The following RAPGEF3 variants were observed in gnomAD, a reference collection of about 807,000 sequenced individuals.
RAPGEF3 encodes 9330170P05Rik.
A neutral mutation model predicts 129.8 loss-of-function variants in RAPGEF3; 103 were observed. The observed-to-expected ratio is 0.79, with a 90% CI of 0.68 to 0.93. The LOEUF (loss-of-function observed/expected upper bound fraction) is 0.93. RAPGEF3 is among the 40% of genes least tolerant of loss of function. The pLI is 0.00. For missense variants in RAPGEF3, 1,117 were observed against 1,207.4 expected, an observed-to-expected ratio of 0.93 and a Z score of 1.11; for synonymous variants, 436 against 482.6, an observed-to-expected ratio of 0.90 and a Z score of 1.26.
chr12:47,756,659 A>G (rs1468050906), intron 2 of RAPGEF3, among the ~76,000 whole-genome samples: 1 of 152,190 alleles, frequency 6.6e-6, no homozygotes, highest in East Asian at 1.9e-4. Flanking sequence ...ATTCCACTCA[A>G]AAGGACTTGC....
In RAPGEF3 at chr12:47,749,936, T is replaced by A. The variant is rs543303042; in HGVS notation, c.811A>T (p.Thr271Ser). 5.5e-5 allele frequency: 88 copies of A among 1,614,234 alleles called. No individual in the cohort carries two copies. In the East Asian group the frequency reaches 9.8e-4, roughly 18 times the overall value. ...TATGCCCTGCTGGACTTACACACGGTCCCTGCCTTGCTGTGTGGTTCAAAG... is the reference window on the plus strand; with the variant it reads ...TATGCCCTGCTGGACTTACACACGGACCCTGCCTTGCTGTGTGGTTCAAAG... The part of the protein sequence containing the change: ...LLFEPHSKAG[T>S]VLFSQGDKGT... Residue 271 changes from threonine to serine, a missense_variant, in exon 8 of 28, where the codon ACC becomes TCC. Physicochemically the swap from Thr to Ser is moderately conservative, Grantham distance 58. Around this residue, in one of 3 missense-constraint regions of RAPGEF3, gnomAD observed 367 missense variants for 373.4 expected, o/e 0.98. Coordinates refer to ENST00000449771, the MANE Select transcript of RAPGEF3 (RefSeq NM_001098531.4). This position sits in a 1 kb window ranked among gnomAD's most constrained non-coding sequence, Gnocchi z 4.5.
chr12:47,740,784 G>A lies in RAPGEF3; in HGVS notation c.2089C>T (p.Arg697Trp), dbSNP rs144726123. ...TCCAGGTTGGCGGTGGTGACATCCC[G>A]CAGATGCTGGGGGCCCAGCACATAG... ...IHYVLGPQHL[R>W]DVTTANLERF... is the part of the protein sequence containing the mutation. The change falls in exon 21 of 28, where the codon CGG becomes TGG. Residue 697 changes from arginine (R) to tryptophan (W), a missense_variant. Physicochemically the swap from Arg to Trp is moderately radical, Grantham distance 101. Around this residue, in one of 3 missense-constraint regions of RAPGEF3, gnomAD observed 643 missense variants for 673.4 expected, o/e 0.95. Coordinates refer to ENST00000449771, the MANE Select transcript of RAPGEF3 (RefSeq NM_001098531.4). 8.8e-5 allele frequency: 142 copies of A among 1,614,034 alleles called. No individual in the cohort carries two copies. In the African/African-American group the frequency reaches 1.6e-3, roughly 18 times the overall value.
intron 23 of RAPGEF3, chr12:47,739,826 C>T: frequency 2.1e-6 from 1 of 481,406 alleles, no homozygotes; most frequent in Non-Finnish European, 3.8e-6. Flanking sequence ...CTGACACTGC[C>T]CTGGCACCTC....
At chr12:47,739,260 G>A (rs1940989119) in intron 23 of RAPGEF3, 30 bp from the exon 24 acceptor site, 1 of 1,541,096 alleles carries the variant, frequency 6.5e-7, no homozygotes, top group Non-Finnish European at 9.0e-7. Flanking sequence ...TGAGGGGGTT[G>A]CACACACCAT....
chr12:47,748,962 T>G lies in RAPGEF3; in HGVS notation c.1042-31A>C, dbSNP rs200335247. The G allele has an allele frequency of 2.8e-5, 43 of 1,533,206 alleles. No homozygotes were observed. The East Asian group carries it at 8.6e-4, about 31-fold the overall frequency. The allele number at this position is 1,533,206 out of a possible 1,614,324, so 95.0% of individuals were successfully genotyped here. On this transcript the variant is annotated intron_variant, in intron 10 of 27. Coordinates refer to ENST00000449771, the MANE Select transcript of RAPGEF3 (RefSeq NM_001098531.4). ...GAACAGGCCACATCCCATGCTCAAC[T>G]CATGATGTTCCAGCTTTAGACCCTC...
At chr12:47,758,230 C>G (rs1942215105) in intron 1 of RAPGEF3, 152 bp from the exon 2 acceptor site, 1 of 1,435,256 alleles carries the variant, frequency 7.0e-7, no homozygotes, top group South Asian at 1.5e-5. Flanking sequence ...GGGGGAGGAA[C>G]AGGAAGACCT....
chr12:47,750,967 C>A, intron 6 of RAPGEF3, 81 bp downstream of exon 6: 1 of 1,535,662 alleles, frequency 6.5e-7, no homozygotes, highest in Non-Finnish European at 8.8e-7. Flanking sequence ...AAGGGATGCC[C>A]CCAGAGATCA....
intron 17 of RAPGEF3, 128 bp downstream of exon 17, chr12:47,743,859 C>G: frequency 1.5e-6 from 2 of 1,348,564 alleles, no homozygotes; most frequent in Non-Finnish European, 2.1e-6. Flanking sequence ...GAACACAGAC[C>G]CTGAGGAGTA....
At chr12:47,746,924 G>A (rs1317991347) in intron 15 of RAPGEF3, 25 bp from the exon 16 acceptor site, 1 of 1,601,644 alleles carries the variant, frequency 6.2e-7, no homozygotes, top group South Asian at 1.1e-5. Context: ...GAAGGGAGGT[G>A]AGTGAGCCCA....
Position 47,751,184 on chromosome 12 carries a change from C to A in RAPGEF3, c.535G>T (p.Ala179Ser), listed in dbSNP as rs369655935. The A allele has an allele frequency of 6.4e-7, 1 of 1,553,108 alleles. No homozygotes were observed. Among genetic ancestry groups the A allele is most frequent in the African/African-American group, 1.4e-5 (1 of 73,210 alleles). Reference sequence around the variant, plus strand: ...GGCCCGGGGAACCGGTAGAATTGGGCATCTCGGTCCTGGAAGGCCCAGTCG... The same window carrying A: ...GGCCCGGGGAACCGGTAGAATTGGGAATCTCGGTCCTGGAAGGCCCAGTCG... ...KHDWAFQDRD[A>S]QFYRFPGPEP... The change falls in exon 6 of 28, where the codon GCC becomes TCC. Residue 179 changes from alanine (A) to serine (S), a missense_variant. Coordinates refer to ENST00000449771, the MANE Select transcript of RAPGEF3 (RefSeq NM_001098531.4).
rs771557259 is a variant in RAPGEF3 at position 47,751,528 on chromosome 12, A to C, written c.381-8T>G. ...CGGCCAGAGCAGCACTGCCTATGGAAGGTAGAAGGGGACAGGCCAGTGGAA... is the reference window on the plus strand; with the variant it reads ...CGGCCAGAGCAGCACTGCCTATGGACGGTAGAAGGGGACAGGCCAGTGGAA... On this transcript the variant is annotated splice_region_variant and splice_polypyrimidine_tract_variant and intron_variant, in intron 4 of 27. Transcript: ENST00000449771. 1.2e-6 allele frequency: 2 copies of C among 1,614,180 alleles called. No homozygotes were observed. Among genetic ancestry groups the C allele is most frequent in the Admixed American group, 1.7e-5 (1 of 60,032 alleles).
At chr12:47,738,843 G>T (rs1483837082) in intron 24 of RAPGEF3, 89 bp from the exon 25 acceptor site, 1 of 1,190,928 alleles carries the variant, frequency 8.4e-7, no homozygotes, top group Non-Finnish European at 1.3e-6. Flanking sequence ...GCTCCCTTGG[G>T]CCTACCTCAC....
chr12:47,746,493 T>G (rs1012204379), intron 16 of RAPGEF3: 1 of 590,014 alleles, frequency 1.7e-6, no homozygotes. Context: ...GGGCCTCGCC[T>G]TCCTCTGAGC....
chr12:47,757,537 C>T (rs1417989104), intron 2 of RAPGEF3, among the ~76,000 whole-genome samples: 3 of 152,168 alleles, frequency 2.0e-5, no homozygotes, highest in Non-Finnish European at 4.4e-5. Context: ...GCCCCCATAC[C>T]TCCCACCTCC....
chr12:47,751,660 CAT>C, intron 4 of RAPGEF3, 61 bp downstream of exon 4: 2 of 1,602,402 alleles, frequency 1.2e-6, no homozygotes, highest in South Asian at 2.2e-5. Flanking sequence ...AGGTGCCTGA[CAT>C]AAAGTGGAAC....
At chr12:47,741,265 T>A in intron 19 of RAPGEF3, 1 of 689,556 alleles carries the variant, frequency 1.5e-6, no homozygotes, top group Non-Finnish European at 2.4e-6. Context: ...AACCCCTAAC[T>A]AGGGCAGGTC....
Position 47,758,059 on chromosome 12 carries a change from C to T in RAPGEF3, c.26G>A (p.Ser9Asn), listed in dbSNP as rs1164501949. The T allele has an allele frequency of 1.9e-6, 3 of 1,569,492 alleles. No homozygotes were observed. Among genetic ancestry groups the T allele is most frequent in the Non-Finnish European group, 2.6e-6 (3 of 1,157,044 alleles). The change falls in exon 2 of 28, where the codon AGC (serine) becomes AAC (asparagine). Residue 9 changes from serine to asparagine, a missense_variant. Coordinates refer to ENST00000449771, the MANE Select transcript of RAPGEF3 (RefSeq NM_001098531.4). ...CACAGCCAGGCCCACCTGCCAGCAG[C>T]TCTCACCTGGCCAGCCCACCTGTGA... MKVGWPGE[S>N]CWQVGLAVED...
chr12:47,741,093 CAG>C (rs1941136771), intron 19 of RAPGEF3, 53 bp from the exon 20 acceptor site: 1 of 1,587,350 alleles, frequency 6.3e-7, no homozygotes, highest in African/African-American at 1.3e-5. Flanking sequence ...GGGAAAGGCA[CAG>C]GGTAGGGGGA....
At position 47,749,886 on chromosome 12, in the gene RAPGEF3, T is replaced by G. The variant is rs186814524; in HGVS notation, c.817+44A>C. ...ATTCCTTCACACATCCTTCTGCCCA[T>G]GTCCAGGCCCTGTGCCTGGCTTCTT... On this transcript the variant is annotated intron_variant, in intron 8 of 27. Transcript: ENST00000449771. The surrounding 1 kb of genome is among the most constrained non-coding windows in gnomAD (Gnocchi z 4.5). The G allele has an allele frequency of 6.2e-7, 1 of 1,613,806 alleles. No individual in the cohort carries two copies. The highest frequency in any genetic ancestry group is 8.5e-7 in the Non-Finnish European group (1 of 1,179,630).
Sources: gnomAD v4.1 joint callset for allele counts (sites outside exome capture counted in the v4.1 genomes callset) on GRCh38, gnomAD v4.1.1 for gene constraint, gnomAD v4.1.1 regional missense constraint, Gnocchi (gnomAD v3.1) non-coding constraint, MANE v1.5 for transcripts, NCBI Gene and HGNC (gene_info 2026-07-23, HGNC 2026-07-21) for gene names.